The following CAGE1 variants were observed in gnomAD, a reference collection of about 807,000 sequenced individuals.
The protein encoded by CAGE1 is cancer-associated gene 1 protein.
CAGE1 carries 66 observed loss-of-function variants against 94.9 expected under a neutral mutation model. That is an observed-to-expected ratio of 0.70 (90% CI 0.57 to 0.85). CAGE1 has a LOEUF of 0.85. Ranked by LOEUF, CAGE1 falls within the 40% of genes least tolerant of loss-of-function variation. The pLI, the probability that CAGE1 is intolerant of heterozygous loss-of-function variation, is 0.00. For synonymous variants in CAGE1, 319 were observed against 321.0 expected (o/e 0.99, Z 0.07); for missense variants, 865 against 950.4 (o/e 0.91, Z 1.18).
chr6:7,339,137 TC>T lies in CAGE1; in HGVS notation c.2370-5048del. ...CAAACTTCATGGATTTAGCTCTCTG[TC>T]CTCAGAGTTTCCCAGACACCACGAC... On this transcript the variant is annotated intron_variant, in intron 11 of 13. Transcript: ENST00000502583. The surrounding 1 kb of genome is among the most constrained non-coding windows in gnomAD (Gnocchi z 4.7). The T allele has an allele frequency of 6.4e-7, 1 of 1,552,656 alleles. No individual in the cohort carries two copies. Among genetic ancestry groups the T allele is most frequent in the South Asian group, 1.1e-5 (1 of 89,790 alleles).
At chr6:7,383,048 T>C (rs951997055) in intron 3 of CAGE1, among the ~76,000 whole-genome samples, 1 of 151,888 alleles carries the variant, frequency 6.6e-6, no homozygotes, top group African/African-American at 2.4e-5. Flanking sequence ...GGCAATTAAA[T>C]CATGGGAACG....
In CAGE1 at chr6:7,389,733, A is replaced by G. The variant is rs976845654; in HGVS notation, c.-555T>C. The G allele has an allele frequency of 8.9e-6, 5 of 563,374 alleles. No homozygotes were observed. Among genetic ancestry groups the G allele is most frequent in the African/African-American group, 7.5e-5 (4 of 53,016 alleles). The allele number at this position is 563,374 out of a possible 1,614,324, so 34.9% of individuals were successfully genotyped here. On this transcript the variant is annotated 5_prime_UTR_variant, in exon 1 of 14. Transcript: ENST00000502583. The stretch of plus-strand genomic sequence containing the variant: ...CACAGCCCTATACAGCGCGCCATCC[A>G]GAGAGCTCCGGACTCCCAGCTCGGC...
At chr6:7,355,956 C>A in intron 10 of CAGE1, 69 bp downstream of exon 10, 2 of 845,614 alleles carry the variant, frequency 2.4e-6, no homozygotes, top group Non-Finnish European at 3.8e-6. Context: ...GTTAGCACTG[C>A]ACTGTACTTC....
chr6:7,353,233 T>G (rs1384088196), intron 11 of CAGE1, among the ~76,000 whole-genome samples: 1 of 152,128 alleles, frequency 6.6e-6, no homozygotes, highest in Non-Finnish European at 1.5e-5. Context: ...GCTAAGGACA[T>G]GAATAGACAA....
At chr6:7,371,162 G>T (rs865893230) in intron 5 of CAGE1, among the ~76,000 whole-genome samples, 1 of 152,094 alleles carries the variant, frequency 6.6e-6, no homozygotes, top group Non-Finnish European at 1.5e-5. Flanking sequence ...CAACAACTGG[G>T]ATCTTGCTAG....
chr6:7,387,863 CAAAAAA>C (rs70978962), intron 1 of CAGE1, among the ~76,000 whole-genome samples: 7 of 108,922 alleles, frequency 6.4e-5, no homozygotes, highest in Admixed American at 1.9e-4. Context: ...ACTAAAAATA[CAAAAAA>C]AAAAAAAAAA....
chr6:7,376,563 AC>A (rs1282650779), intron 4 of CAGE1, among the ~76,000 whole-genome samples: 2 of 152,148 alleles, frequency 1.3e-5, no homozygotes, highest in East Asian at 1.9e-4. Flanking sequence ...AGCCTCCAGA[AC>A]CGTGAGCCAG....
In CAGE1 at chr6:7,370,012, C is replaced by G. The variant is rs771695866; in HGVS notation, c.1800G>C (p.Glu600Asp). Residue 600 changes from glutamate (E) to aspartate (D), a missense_variant, in exon 6 of 14, where the codon GAG becomes GAC. Physicochemically the swap from Glu to Asp is conservative, Grantham distance 45 (BLOSUM62 2). Transcript: ENST00000502583. ...NLLPDCSPCE[E>D]RLNPADIKRA... ...TTTTTATATCTGCAGGATTCAGCCT[C>G]TCTTCACAAGGTGAGCAATCCGGGA... The G allele has an allele frequency of 1.2e-6, 2 of 1,613,814 alleles. No homozygotes were observed. Among genetic ancestry groups the G allele is most frequent in the South Asian group, 2.2e-5 (2 of 91,056 alleles).
chr6:7,384,518 A>C (rs1322054830), intron 3 of CAGE1, among the ~76,000 whole-genome samples: 1 of 152,056 alleles, frequency 6.6e-6, no homozygotes, highest in Non-Finnish European at 1.5e-5. Flanking sequence ...TGTAATCCCA[A>C]CACTTTGGGA....
At chr6:7,388,032 CAAAAAAAAAAAAA>C (rs70978963) in intron 1 of CAGE1, among the ~76,000 whole-genome samples, 4 of 64,970 alleles carry the variant, frequency 6.2e-5, no homozygotes, top group Admixed American at 5.8e-4. Context: ...GACTCCATCT[CAAAAAAAAAAAAA>C]AAAAAAAAAA....
At position 7,387,047 on chromosome 6, in the gene CAGE1, G is replaced by C; in HGVS notation, c.127C>G (p.Gln43Glu). The change falls in exon 2 of 14, where the codon CAA becomes GAA. Residue 43 changes from glutamine (Q) to glutamate (E), a missense_variant. Gln to Glu is a conservative substitution (Grantham distance 29). Transcript: ENST00000502583. ...SDTMNVSNLSQGVMLSHSPIC... is the reference protein window; with the variant it reads ...SDTMNVSNLSEGVMLSHSPIC... ...GGAGAATGTGAAAGCATTACACCTT[G>C]AGAAAGATTGCTGACATTCATGGTA... 6.4e-7 allele frequency: 1 copy of C among 1,551,932 alleles called. No individual in the cohort carries two copies. The highest frequency in any genetic ancestry group is 8.7e-7 in the Non-Finnish European group (1 of 1,146,984).
Position 7,386,970 on chromosome 6 carries a change from A to C in CAGE1, c.195+9T>G, listed in dbSNP as rs1363907560. The C allele has an allele frequency of 1.3e-6, 2 of 1,534,166 alleles. No homozygotes were observed. The highest frequency in any genetic ancestry group is 1.4e-5 in the African/African-American group (1 of 72,704). On this transcript the variant is annotated intron_variant, in intron 2 of 13. Coordinates refer to ENST00000502583, the MANE Select transcript of CAGE1 (RefSeq NM_001170692.2). ...TCTGAGCCTCCTGGAACTTATAAGC[A>C]ATGCACACCTGAGGCAAGTCACAAG...
rs780339931 is a variant in CAGE1, at chr6:7,334,075, A to G, written c.2385T>C (p.Asn795=). ...TTCTAATTAAATCCTCTAAATGTTT[A>G]TTTCTCTCTTCCAAACTGAAAGAAG... ...HSQIAHLEER[N]KHLEDLIRKP... The change falls in exon 12 of 14, where the codon AAT becomes AAC. Residue 795 remains asparagine (N), a synonymous_variant. Transcript: ENST00000502583. 11 of 1,533,648 alleles carry G rather than the reference A, an allele frequency of 7.2e-6. No individual in the cohort carries two copies. The highest frequency in any genetic ancestry group is 2.0e-5 in the Admixed American group (1 of 50,868).
intron 11 of CAGE1, among the ~76,000 whole-genome samples, chr6:7,345,073 T>TA (rs914112689): frequency 1.3e-5 from 2 of 151,934 alleles, no homozygotes; most frequent in Non-Finnish European, 2.9e-5. Flanking sequence ...TTGAAAGCTT[T>TA]GTTCTTTCAC....
At chr6:7,374,589 G>A (rs987605300) in intron 4 of CAGE1, among the ~76,000 whole-genome samples, 4 of 151,622 alleles carry the variant, frequency 2.6e-5, no homozygotes, top group Admixed American at 6.6e-5. Flanking sequence ...TTTTTAGGGG[G>A]GAAAGTTCTC....
intron 3 of CAGE1, among the ~76,000 whole-genome samples, chr6:7,382,370 C>T (rs985489851): frequency 3.3e-5 from 5 of 151,990 alleles, no homozygotes; most frequent in South Asian, 2.1e-4. Context: ...GGCACGATCT[C>T]GGCTCACTGC....
At chr6:7,330,258 C>T (rs1334719608) in intron 12 of CAGE1, among the ~76,000 whole-genome samples, 3 of 152,072 alleles carry the variant, frequency 2.0e-5, no homozygotes, top group Non-Finnish European at 4.4e-5. Context: ...CATGGTGGCA[C>T]GCACCTGTAA....
At chr6:7,329,018 GC>G (rs1758645242) in intron 13 of CAGE1, 1 of 183,162 alleles carries the variant, frequency 5.5e-6, no homozygotes, top group Non-Finnish European at 1.1e-5. Flanking sequence ...TGCAACTTCC[GC>G]CTCTTGGATT....
chr6:7,341,196 T>C (rs1759161425), intron 11 of CAGE1: 1 of 639,270 alleles, frequency 1.6e-6, no homozygotes, highest in Non-Finnish European at 2.9e-6. Flanking sequence ...TCTGGAGCAG[T>C]TGACACAGCT....
Sources: allele counts gnomAD v4.1 joint callset (sites outside exome capture counted in the v4.1 genomes callset), GRCh38; gene constraint gnomAD v4.1.1; non-coding constraint Gnocchi (gnomAD v3.1); transcripts MANE v1.5; gene names NCBI Gene and HGNC (gene_info 2026-07-23, HGNC 2026-07-21).